Variants in PDCD10 observed in about 807,000 individuals in gnomAD.
The protein encoded by PDCD10 is programmed cell death protein 10.
Under a neutral mutation model 29.2 loss-of-function variants are expected in PDCD10, and 4 were observed. The observed-to-expected ratio is 0.14, with a 90% CI of 0.07 to 0.31. The LOEUF (loss-of-function observed/expected upper bound fraction) is 0.31, where lower values mean the gene tolerates loss of function less well. Ranked by LOEUF, PDCD10 falls within the 10% of genes least tolerant of loss-of-function variation. The pLI is 1.00. For synonymous variants in PDCD10, 70 were observed against 82.2 expected (o/e 0.85, Z 0.80); for missense variants, 183 against 257.9 (o/e 0.71, Z 1.99).
At chr3:167,723,095 G>A (rs1427386701) in intron 2 of PDCD10, among the ~76,000 whole-genome samples, 1 of 152,024 alleles carries the variant, frequency 6.6e-6, no homozygotes, top group Admixed American at 6.6e-5. Context: ...TTAACAACTG[G>A]GGCCACTCAG....
Position 167,713,275 on chromosome 3 carries a change from A to G in PDCD10, c.96+6787T>C, listed in dbSNP as rs1722702203. 4.0e-5 allele frequency among the ~76,000 whole-genome samples: 6 copies of G among 151,180 alleles called. No individual in the cohort carries two copies. In the Admixed American group the frequency reaches 4.0e-4, roughly 10 times the overall value. On this transcript the variant is annotated intron_variant, in intron 3 of 8. Coordinates refer to ENST00000392750, the MANE Select transcript of PDCD10 (RefSeq NM_007217.4). ...TCAAATAAAACTAGAAACCAGTAAC[A>G]AGAGAAATTTTTGAAACTATACAAA...
chr3:167,693,423 C>T (rs868475665), intron 6 of PDCD10, among the ~76,000 whole-genome samples: 3 of 152,172 alleles, frequency 2.0e-5, no homozygotes, highest in Non-Finnish European at 2.9e-5. Context: ...AGTACCAGTA[C>T]CTTCAAATGT....
intron 4 of PDCD10, among the ~76,000 whole-genome samples, chr3:167,703,797 T>C (rs1721683422): frequency 6.6e-6 from 1 of 152,144 alleles, no homozygotes; most frequent in Admixed American, 6.5e-5. Flanking sequence ...ACCTATGTAA[T>C]ATTAAGCGGC....
intron 6 of PDCD10, among the ~76,000 whole-genome samples, chr3:167,693,480 A>G (rs1247490524): frequency 6.6e-6 from 1 of 152,198 alleles, no homozygotes; most frequent in Admixed American, 6.5e-5. Context: ...TTAATAGCAT[A>G]TACACTATAT....
rs770967623 is a variant in PDCD10 at position 167,697,017 on chromosome 3, T to A, written c.260A>T (p.Asp87Val). The change falls in exon 5 of 9, where the codon GAT (aspartate) becomes GTT (valine). Residue 87 changes from aspartate (D) to valine (V), a missense_variant. Transcript: ENST00000392750. ...TESLLRMAADDVEEYMIERPE... is the reference protein window; with the variant it reads ...TESLLRMAADVVEEYMIERPE... ...GTTCTTCTGTCCGTTACCTTCTACATCATCAGCTGCCATACGAAGAAGGGA... is the reference window on the plus strand; with the variant it reads ...GTTCTTCTGTCCGTTACCTTCTACAACATCAGCTGCCATACGAAGAAGGGA... The A allele has an allele frequency of 7.1e-6, 11 of 1,539,372 alleles. No homozygotes were observed. Among genetic ancestry groups the A allele is most frequent in the South Asian group, 2.2e-5 (2 of 89,568 alleles).
intron 3 of PDCD10, among the ~76,000 whole-genome samples, chr3:167,707,416 C>A (rs796564135): frequency 6.6e-6 from 1 of 152,220 alleles, no homozygotes; most frequent in African/African-American, 2.4e-5. Context: ...CGGTGGCTCA[C>A]GTCTGTAATC....
intron 8 of PDCD10, among the ~76,000 whole-genome samples, chr3:167,685,604 C>T (rs1359688096): frequency 2.0e-5 from 3 of 152,020 alleles, no homozygotes; most frequent in Non-Finnish European, 4.4e-5. Context: ...AAAGTAGTAG[C>T]AACGACACTG....
chr3:167,731,467 C>T (rs1302828444), intron 2 of PDCD10, among the ~76,000 whole-genome samples: 1 of 152,204 alleles, frequency 6.6e-6, no homozygotes, highest in African/African-American at 2.4e-5. Context: ...TTACATATAA[C>T]CTAAATTGCC....
chr3:167,702,361 T>G (rs1721531296), intron 4 of PDCD10, among the ~76,000 whole-genome samples: 1 of 152,210 alleles, frequency 6.6e-6, no homozygotes. Context: ...AAATATATTT[T>G]CTCTTATGAT....
chr3:167,712,920 T>A (rs1210233893), intron 3 of PDCD10, among the ~76,000 whole-genome samples: 1 of 152,028 alleles, frequency 6.6e-6, no homozygotes, highest in African/African-American at 2.4e-5. Context: ...TGTAAATATA[T>A]ATGCACCCAG....
intron 2 of PDCD10, among the ~76,000 whole-genome samples, chr3:167,731,705 T>A (rs1380844317): frequency 6.6e-6 from 1 of 152,200 alleles, no homozygotes; most frequent in African/African-American, 2.4e-5. Context: ...AGGGAGCTTA[T>A]AGTCCAGTGA....
chr3:167,706,945 T>C (rs1266139449), intron 3 of PDCD10, among the ~76,000 whole-genome samples: 1 of 152,218 alleles, frequency 6.6e-6, no homozygotes, highest in African/African-American at 2.4e-5. Context: ...CTCTGAATCC[T>C]GTATACAAGC....
At chr3:167,719,286 G>A (rs1014057772) in intron 3 of PDCD10, among the ~76,000 whole-genome samples, 1 of 152,078 alleles carries the variant, frequency 6.6e-6, no homozygotes, top group Non-Finnish European at 1.5e-5. Flanking sequence ...TTAAAAGGCT[G>A]AAGCCATTGA....
intron 2 of PDCD10, among the ~76,000 whole-genome samples, chr3:167,723,675 G>A (rs1723808172): frequency 6.6e-6 from 1 of 152,174 alleles, no homozygotes; most frequent in Non-Finnish European, 1.5e-5. Flanking sequence ...CGTTTCAAAT[G>A]TGCTGCTTTG....
intron 6 of PDCD10, among the ~76,000 whole-genome samples, chr3:167,693,489 ATACTT>A (rs1443205182): frequency 6.6e-6 from 1 of 152,354 alleles, no homozygotes; most frequent in South Asian, 2.1e-4. Context: ...TATACACTAT[ATACTT>A]TAATCTTTCA....
Position 167,694,288 on chromosome 3 carries a change from C to A in PDCD10, c.395+1308G>T, listed in dbSNP as rs578101801. 2.1e-5 allele frequency: 4 copies of A among 186,288 alleles called. 1 individual carries two copies. In the South Asian group the frequency reaches 3.0e-4, roughly 14 times the overall value. The allele number at this position is 186,288 out of a possible 1,614,324, so 11.5% of individuals were successfully genotyped here. On this transcript the variant is annotated intron_variant, in intron 6 of 8. Coordinates refer to ENST00000392750, the MANE Select transcript of PDCD10 (RefSeq NM_007217.4). ...TTACAACATAGTTGATAAAAATATT[C>A]TCCTGGATTATGTAAGAAGAGAGAC...
chr3:167,701,353 C>T (rs891883926), intron 4 of PDCD10, among the ~76,000 whole-genome samples: 1 of 152,112 alleles, frequency 6.6e-6, no homozygotes, highest in Non-Finnish European at 1.5e-5. Context: ...TACATACACA[C>T]ACATATATAT....
intron 6 of PDCD10, among the ~76,000 whole-genome samples, chr3:167,692,016 T>C (rs1720298009): frequency 6.6e-6 from 1 of 152,258 alleles, no homozygotes; most frequent in Non-Finnish European, 1.5e-5. Flanking sequence ...TATATAAACC[T>C]ACTTCGATGA....
intron 3 of PDCD10, among the ~76,000 whole-genome samples, chr3:167,711,473 G>A (rs548273100): frequency 6.6e-6 from 1 of 152,210 alleles, no homozygotes; most frequent in African/African-American, 2.4e-5. Context: ...TGAAAATGCA[G>A]AGGAGACAAA....
Sources: allele counts gnomAD v4.1 joint callset (sites outside exome capture counted in the v4.1 genomes callset), GRCh38; gene constraint gnomAD v4.1.1; transcripts MANE v1.5; gene names NCBI Gene and HGNC (gene_info 2026-07-23, HGNC 2026-07-21).